The following MYOF variants were observed in gnomAD, a reference collection of about 807,000 sequenced individuals.
MYOF encodes the protein fer-1-like 3, myoferlin.
In MYOF, 244 loss-of-function variants were observed where a neutral mutation model predicts 284.2. The ratio of observed to expected loss-of-function variants is 0.86; its 90% CI spans 0.77 to 0.95. The LOEUF is 0.95. MYOF is among the 40% of genes least tolerant of loss of function. MYOF has a pLI of 0.00. For synonymous variants in MYOF, 904 were observed against 919.7 expected (o/e 0.98, Z 0.31); for missense variants, 2,496 against 2,560.6 (o/e 0.97, Z 0.54).
intron 19 of MYOF, among the ~76,000 whole-genome samples, chr10:93,387,284 G>A (rs1361896311): frequency 6.6e-6 from 1 of 152,222 alleles, no homozygotes; most frequent in Non-Finnish European, 1.5e-5. Context: ...GGGCATCCAT[G>A]AGCTGGCTGT....
At chr10:93,387,127 TAA>T (rs896970323) in intron 19 of MYOF, among the ~76,000 whole-genome samples, 18 of 152,236 alleles carry the variant, frequency 1.2e-4, no homozygotes, top group Non-Finnish European at 1.9e-4. Flanking sequence ...GAAAGCTTTT[TAA>T]AAGTTGCTGT....
intron 5 of MYOF, among the ~76,000 whole-genome samples, chr10:93,420,114 TA>T (rs571982930): frequency 8.5e-5 from 13 of 152,230 alleles, no homozygotes; most frequent in Non-Finnish European, 1.9e-4. Context: ...AAAACTCCAT[TA>T]AAAAAATTAA....
chr10:93,376,181 A>T (rs787649), intron 22 of MYOF, among the ~76,000 whole-genome samples: 68,367 of 152,068 alleles, frequency 0.45, 16,076 homozygotes, highest in Middle Eastern at 0.53. Flanking sequence ...TTCACAGACA[A>T]TTTCTCCATG....
intron 39 of MYOF, among the ~76,000 whole-genome samples, chr10:93,338,663 A>G (rs956163277): frequency 2.0e-5 from 3 of 152,190 alleles, no homozygotes; most frequent in Non-Finnish European, 4.4e-5. Context: ...AACCTATCCT[A>G]GGAGATGCAA....
intron 48 of MYOF, among the ~76,000 whole-genome samples, chr10:93,321,298 T>G (rs1842829353): frequency 6.6e-6 from 1 of 152,176 alleles, no homozygotes. Flanking sequence ...TTGAAAATAT[T>G]AAGTCCTACT....
intron 18 of MYOF, among the ~76,000 whole-genome samples, chr10:93,388,263 C>T (rs911601665): frequency 2.6e-5 from 4 of 152,254 alleles, no homozygotes; most frequent in South Asian, 2.1e-4. Flanking sequence ...CTCCCTTCAC[C>T]GTACTTCAGC....
At chr10:93,350,382 G>C (rs1190314430) in intron 35 of MYOF, among the ~76,000 whole-genome samples, 1 of 151,920 alleles carries the variant, frequency 6.6e-6, no homozygotes, top group Admixed American at 6.6e-5. Context: ...GCACGAACTA[G>C]GCTCACTGCA....
chr10:93,452,028 AAAACAGGTG>A lies in MYOF; in HGVS notation c.236+13_236+21del, dbSNP rs755647297. On this transcript the variant is annotated intron_variant, in intron 3 of 53. Transcript: ENST00000359263. ...TGAGATAGTAATACCTAAAATGAGA[AAAACAGGTG>A]AAAACAACTTACTTATTTTGTCCAA... 4.9e-5 allele frequency: 75 copies of A among 1,532,842 alleles called. No homozygotes were observed. Among genetic ancestry groups the A allele is most frequent in the Non-Finnish European group, 6.5e-5 (73 of 1,119,460 alleles). 95.0% of individuals were successfully genotyped at this position (1,532,842 alleles called of 1,614,324 possible).
chr10:93,355,965 C>T (rs965621262), intron 30 of MYOF, among the ~76,000 whole-genome samples: 3 of 152,122 alleles, frequency 2.0e-5, no homozygotes, highest in African/African-American at 7.2e-5. Context: ...AGCCCTCCTA[C>T]CTCCAGTCCA....
In MYOF at chr10:93,360,060, A is replaced by G. The variant is rs910936434; in HGVS notation, c.2975-82T>C. 5.3e-6 allele frequency: 8 copies of G among 1,520,226 alleles called. No individual in the cohort carries two copies. In the Admixed American group the frequency reaches 1.2e-4, roughly 23 times the overall value. The allele number at this position is 1,520,226 out of a possible 1,614,324, so 94.2% of individuals were successfully genotyped here. A position where few individuals can be genotyped will look rare whatever the true frequency, so the allele number is the denominator to read the frequency against. ...ATAAACCTCGAGGAAACATTTGTTCACTCTCCCTGCCCTCAGATGTTCTGT... is the reference window on the plus strand; with the variant it reads ...ATAAACCTCGAGGAAACATTTGTTCGCTCTCCCTGCCCTCAGATGTTCTGT... On this transcript the variant is annotated intron_variant, in intron 28 of 53. Coordinates refer to ENST00000359263, the MANE Select transcript of MYOF (RefSeq NM_013451.4).
chr10:93,320,846 G>A (rs1842815104), intron 48 of MYOF, among the ~76,000 whole-genome samples: 2 of 152,080 alleles, frequency 1.3e-5, no homozygotes, highest in African/African-American at 4.8e-5. Context: ...GACTGGGGAC[G>A]TTTTAAAAAT....
chr10:93,429,797 A>G (rs929093359), intron 4 of MYOF, among the ~76,000 whole-genome samples: 1 of 152,200 alleles, frequency 6.6e-6, no homozygotes, highest in African/African-American at 2.4e-5. Flanking sequence ...GGCCAAGTAC[A>G]GTATCTTTAT....
chr10:93,340,320 T>A, intron 38 of MYOF, 156 bp from the exon 39 acceptor site: 1 of 708,514 alleles, frequency 1.4e-6, no homozygotes, highest in Non-Finnish European at 2.3e-6. Flanking sequence ...CTAAATTATT[T>A]AAAATTTTCT....
At chr10:93,457,909 G>GTT (rs140856298) in intron 1 of MYOF, among the ~76,000 whole-genome samples, 71 of 140,910 alleles carry the variant, frequency 5.0e-4, no homozygotes, top group South Asian at 1.2e-3. Flanking sequence ...ATTTTTCTAT[G>GTT]TTTTTTTTTT....
rs547819837 is a variant in MYOF, at chr10:93,436,647, G to A, written c.237-5131C>T. Among the ~76,000 whole-genome samples the A allele has an allele frequency of 4.6e-5, 7 of 152,234 alleles. No homozygotes were observed. In the East Asian group the frequency reaches 1.4e-3, roughly 29 times the overall value. ...AAATACGCCCCATGGATAAGTCTGA[G>A]CTCTGCAGTGACTCCCAGAGCACTC... On this transcript the variant is annotated intron_variant, in intron 3 of 53. Coordinates refer to ENST00000359263, the MANE Select transcript of MYOF (RefSeq NM_013451.4).
intron 19 of MYOF, among the ~76,000 whole-genome samples, chr10:93,386,226 T>C (rs1412443476): frequency 6.6e-6 from 1 of 152,208 alleles, no homozygotes; most frequent in Admixed American, 6.5e-5. Context: ...CTGGCTATTC[T>C]TTTGCATGAT....
At chr10:93,454,447 G>A (rs565135691) in intron 2 of MYOF, among the ~76,000 whole-genome samples, 1 of 152,306 alleles carries the variant, frequency 6.6e-6, no homozygotes, top group South Asian at 2.1e-4. Context: ...CAAATTTGAA[G>A]AGATGAGTTG....
intron 5 of MYOF, among the ~76,000 whole-genome samples, chr10:93,419,922 G>A (rs546245940): frequency 6.6e-6 from 1 of 151,976 alleles, no homozygotes; most frequent in Non-Finnish European, 1.5e-5. Context: ...ACCTGAGGTC[G>A]GGAGTTCAAG....
In MYOF at chr10:93,482,181, A is replaced by G. The variant is rs755278335; in HGVS notation, c.14T>C (p.Ile5Thr). 2.5e-6 allele frequency: 4 copies of G among 1,614,054 alleles called. No individual in the cohort carries two copies. The highest frequency in any genetic ancestry group is 2.5e-6 in the Non-Finnish European group (3 of 1,179,946). The change falls in exon 1 of 54, where the codon ATT becomes ACT. Residue 5 changes from isoleucine (I) to threonine (T), a missense_variant. By Grantham distance (89) the Ile-to-Thr change is moderately conservative. This residue lies in a region of MYOF where 57 missense variants were observed against 62.4 expected (regional missense o/e 0.91). Coordinates refer to ENST00000359263, the MANE Select transcript of MYOF (RefSeq NM_013451.4). The stretch of plus-strand genomic sequence containing the variant: ...AGGGATATTGCTGGCAGATTCCACA[A>G]TCACTCGCAGCATGGTTCTTAGCTG... MLRV[I>T]VESASNIPKT...
Sources: gnomAD v4.1 joint callset for allele counts (sites outside exome capture counted in the v4.1 genomes callset) on GRCh38, gnomAD v4.1.1 for gene constraint, gnomAD v4.1.1 regional missense constraint, MANE v1.5 for transcripts, NCBI Gene and HGNC (gene_info 2026-07-23, HGNC 2026-07-21) for gene names.